PTPN18: variants seen among roughly 807,000 people sequenced by gnomAD.
The protein encoded by PTPN18 is protein tyrosine phosphatase non-receptor type 18.
PTPN18 carries 65 observed loss-of-function variants against 65.4 expected under a neutral mutation model. The observed-to-expected ratio is 0.99, with a 90% CI of 0.81 to 1.22. PTPN18 has a LOEUF of 1.22. Ranked by LOEUF, PTPN18 falls within the 50% of genes most tolerant of loss-of-function variation. The pLI, the probability that PTPN18 is intolerant of heterozygous loss-of-function variation, is 0.00. For synonymous variants in PTPN18, 255 were observed against 267.8 expected (o/e 0.95, Z 0.47); for missense variants, 616 against 646.5 (o/e 0.95, Z 0.51).
At chr2:130,366,034 GT>G (rs1219583943) in intron 5 of PTPN18, among the ~76,000 whole-genome samples, 1 of 152,160 alleles carries the variant, frequency 6.6e-6, no homozygotes, top group Non-Finnish European at 1.5e-5. Context: ...TTCCAAGATT[GT>G]TTTGGCTATT....
chr2:130,372,473 G>T lies in PTPN18; in HGVS notation c.1230G>T (p.Leu410=). The T allele has an allele frequency of 7.3e-7, 1 of 1,374,908 alleles. No homozygotes were observed. Among genetic ancestry groups the T allele is most frequent in the Non-Finnish European group, 9.3e-7 (1 of 1,071,740 alleles). The allele number at this position is 1,374,908 out of a possible 1,614,324, so 85.2% of individuals were successfully genotyped here. ...GAHAEDARGT[L]PGRVPADQSP... is the part of the protein sequence containing the mutation. ...ACGCGGAGGACGCGAGGGGGACGCT[G>T]CCTGGCCGCGGTGAGTCGAGGCTTG... Residue 410 remains leucine, a synonymous_variant, in exon 13 of 15, where the codon CTG becomes CTT. Transcript: ENST00000175756.
intron 5 of PTPN18, among the ~76,000 whole-genome samples, chr2:130,365,374 T>A (rs1338652983): frequency 1.3e-5 from 2 of 152,240 alleles, no homozygotes; most frequent in African/African-American, 4.8e-5. Context: ...TATTCGTCCA[T>A]TTGTATATCT....
At chr2:130,364,000 G>A (rs1680309133) in intron 5 of PTPN18, among the ~76,000 whole-genome samples, 1 of 149,846 alleles carries the variant, frequency 6.7e-6, no homozygotes, top group African/African-American at 2.5e-5. Flanking sequence ...GTATGCCATT[G>A]TGTCTTTCTT....
At chr2:130,356,232 G>A in intron 1 of PTPN18, 32 bp downstream of exon 1, 1 of 1,288,132 alleles carries the variant, frequency 7.8e-7, no homozygotes. Context: ...CGAGCGGCGC[G>A]CCCCGGCCCT....
chr2:130,372,534 G>C, intron 13 of PTPN18, 51 bp downstream of exon 13: 1 of 1,404,500 alleles, frequency 7.1e-7, no homozygotes, highest in Middle Eastern at 2.3e-4. Context: ...GTGATCCGCA[G>C]GGCGGAACCA....
chr2:130,372,514 T>G (rs1680605355), intron 13 of PTPN18, 31 bp downstream of exon 13: 1 of 1,391,248 alleles, frequency 7.2e-7, no homozygotes, highest in Non-Finnish European at 9.3e-7. Context: ...TCTCAGGGCA[T>G]CATCCTGCTG....
chr2:130,373,283 G>A lies in PTPN18; in HGVS notation c.*59G>A. On this transcript the variant is annotated 3_prime_UTR_variant, in exon 15 of 15. Coordinates refer to ENST00000175756, the MANE Select transcript of PTPN18 (RefSeq NM_014369.4). This position sits in a 1 kb window ranked among gnomAD's most constrained non-coding sequence, Gnocchi z 4.1. ...GAGCTCGGACTGCTGATGCCCCGGT[G>A]CTGCTGAGCGCCGTGCGCAGAATGG... 1.4e-6 allele frequency: 2 copies of A among 1,443,832 alleles called. No individual in the cohort carries two copies. The highest frequency in any genetic ancestry group is 1.9e-6 in the Non-Finnish European group (2 of 1,076,310). The allele number at this position is 1,443,832 out of a possible 1,614,324, so 89.4% of individuals were successfully genotyped here. A position where few individuals can be genotyped will look rare whatever the true frequency, so the allele number is the denominator to read the frequency against.
chr2:130,366,953 A>C (rs1030215876), intron 5 of PTPN18, among the ~76,000 whole-genome samples: 1 of 151,180 alleles, frequency 6.6e-6, no homozygotes, highest in Non-Finnish European at 1.5e-5. Flanking sequence ...CCTGCCAAGT[A>C]GTTGGGAGTA....
chr2:130,359,119 G>A (rs1278107116), intron 2 of PTPN18, 114 bp from the exon 3 acceptor site: 231 of 1,472,432 alleles, frequency 1.6e-4, no homozygotes, highest in Non-Finnish European at 2.8e-6. Flanking sequence ...AGGGCACCTT[G>A]GTGGGATCTC....
chr2:130,361,557 T>TCTTTCTTTCTTTCTTTCTTTCTTTCTTC (rs1553458555), intron 5 of PTPN18, among the ~76,000 whole-genome samples: 11 of 78,506 alleles, frequency 1.4e-4, no homozygotes, highest in African/African-American at 4.8e-4. Flanking sequence ...TTTCTTTCTT[T>TCTTTCTTTCTTTCTTTCTTTCTTTCTTC]CTTTCTTTCC....
In PTPN18 at chr2:130,373,215, C is replaced by A. The variant is rs745889246; in HGVS notation, c.1374C>A (p.Thr458=). The change falls in exon 15 of 15, where the codon ACC becomes ACA. Residue 458 remains threonine, a synonymous_variant. Coordinates refer to ENST00000175756, the MANE Select transcript of PTPN18 (RefSeq NM_014369.4). This position sits in a 1 kb window ranked among gnomAD's most constrained non-coding sequence, Gnocchi z 4.1. The part of the protein sequence containing the change: ...KGPRDPPAEW[T]RV ...CCCGGGACCCGCCTGCTGAGTGGAC[C>A]CGGGTGTAAGTCTAACGCCAGTTCC... 55 of 1,599,860 alleles carry A rather than the reference C, an allele frequency of 3.4e-5. No homozygotes were observed. Among genetic ancestry groups the A allele is most frequent in the Non-Finnish European group, 4.7e-5 (55 of 1,173,948 alleles).
At chr2:130,364,750 C>T (rs1479541150) in intron 5 of PTPN18, among the ~76,000 whole-genome samples, 2 of 152,206 alleles carry the variant, frequency 1.3e-5, no homozygotes, top group African/African-American at 4.8e-5. Flanking sequence ...GAGCCGAGAT[C>T]GCACCACCGC....
chr2:130,363,619 T>TTTTTG (rs966433473), intron 5 of PTPN18, among the ~76,000 whole-genome samples: 51 of 152,296 alleles, frequency 3.3e-4, no homozygotes, highest in African/African-American at 1.1e-3. Context: ...TTGCTTAGCA[T>TTTTTG]TTTTGTTTTG....
intron 2 of PTPN18, 89 bp downstream of exon 2, chr2:130,359,064 C>A: frequency 1.3e-6 from 2 of 1,485,036 alleles, no homozygotes. Flanking sequence ...ACCCACTGTG[C>A]TCTCCTCCCA....
intron 6 of PTPN18, 152 bp from the exon 7 acceptor site, chr2:130,369,613 G>T (rs1680488924): frequency 2.5e-6 from 2 of 791,426 alleles, no homozygotes; most frequent in African/African-American, 1.8e-5. Flanking sequence ...CTTAATGAAA[G>T]CTTTGGGGAA....
intron 5 of PTPN18, 85 bp downstream of exon 5, chr2:130,359,731 C>T (rs1680136088): frequency 1.8e-5 from 27 of 1,496,058 alleles, no homozygotes; most frequent in Admixed American, 3.4e-5. Flanking sequence ...CCCCAGGACC[C>T]GAGGGTCCAG....
At chr2:130,361,524 TTC>T (rs974730212) in intron 5 of PTPN18, among the ~76,000 whole-genome samples, 1 of 112,858 alleles carries the variant, frequency 8.9e-6, no homozygotes, top group African/African-American at 3.8e-5. Context: ...CTTTCTTTCT[TTC>T]TTTCTTTCTT....
At chr2:130,369,931 G>C (rs1680499742) in intron 7 of PTPN18, 104 bp downstream of exon 7, 1 of 1,541,344 alleles carries the variant, frequency 6.5e-7, no homozygotes, top group African/African-American at 1.4e-5. Flanking sequence ...CTCAGTTATT[G>C]TCTGGTAGAC....
Position 130,359,603 on chromosome 2 carries a change from T to C in PTPN18, c.376-5T>C. 2 of 1,614,104 alleles carry C rather than the reference T, an allele frequency of 1.2e-6. No homozygotes were observed. Among genetic ancestry groups the C allele is most frequent in the South Asian group, 1.1e-5 (1 of 91,074 alleles). On this transcript the variant is annotated splice_polypyrimidine_tract_variant and splice_region_variant and intron_variant, in intron 4 of 14. Coordinates refer to ENST00000175756, the MANE Select transcript of PTPN18 (RefSeq NM_014369.4). Reference sequence around the variant, plus strand: ...CCTTCCTCTCCCCTGACCCTCCTTGTCTAGGTGATCCTGATGGCCTGTCGA... The same window carrying C: ...CCTTCCTCTCCCCTGACCCTCCTTGCCTAGGTGATCCTGATGGCCTGTCGA...
Sources: gnomAD v4.1 joint callset for allele counts (sites outside exome capture counted in the v4.1 genomes callset) on GRCh38, gnomAD v4.1.1 for gene constraint, Gnocchi (gnomAD v3.1) non-coding constraint, MANE v1.5 for transcripts, NCBI Gene and HGNC (gene_info 2026-07-23, HGNC 2026-07-21) for gene names.